PDE8A: variants seen among roughly 807,000 people sequenced by gnomAD.
PDE8A encodes the protein high affinity cAMP-specific and IBMX-insensitive 3',5'-cyclic phosphodiesterase 8A.
In PDE8A, 59 loss-of-function variants were observed where a neutral mutation model predicts 105.0. The observed-to-expected ratio is 0.56, with a 90% confidence interval of 0.46 to 0.70. PDE8A has a LOEUF of 0.70. PDE8A is among the 30% of genes least tolerant of loss of function. PDE8A has a pLI of 0.00. For missense variants in PDE8A, 1,014 were observed against 1,045.9 expected, an observed-to-expected ratio of 0.97 and a Z score of 0.42; for synonymous variants, 355 against 371.9, an observed-to-expected ratio of 0.95 and a Z score of 0.52.
chr15:85,131,149 A>G (rs2082325067), intron 20 of PDE8A, among the ~76,000 whole-genome samples: 2 of 152,140 alleles, frequency 1.3e-5, no homozygotes, highest in Admixed American at 6.6e-5. Context: ...ATCTTTTTCC[A>G]TCCTTTCATT....
intron 1 of PDE8A, among the ~76,000 whole-genome samples, chr15:85,015,351 T>C (rs1240198429): frequency 6.6e-6 from 1 of 151,894 alleles, no homozygotes; most frequent in African/African-American, 2.4e-5. Flanking sequence ...CTCAGCCTCC[T>C]GAGTAGCTGG....
At chr15:85,125,473 A>G (rs1468790581) in intron 19 of PDE8A, among the ~76,000 whole-genome samples, 1 of 152,226 alleles carries the variant, frequency 6.6e-6, no homozygotes, top group African/African-American at 2.4e-5. Flanking sequence ...TGCAGACAGC[A>G]TGTGGTACTG....
chr15:85,129,941 TA>T (rs1345673560), intron 20 of PDE8A, among the ~76,000 whole-genome samples: 8 of 152,208 alleles, frequency 5.3e-5, no homozygotes, highest in African/African-American at 1.7e-4. Flanking sequence ...CTTGGTTGTT[TA>T]AGCGTATATT....
chr15:85,133,658 C>T (rs2082361165), intron 20 of PDE8A, among the ~76,000 whole-genome samples: 1 of 152,134 alleles, frequency 6.6e-6, no homozygotes, highest in Non-Finnish European at 1.5e-5. Context: ...CTTGGAGCTT[C>T]CTAGTCCCCC....
At chr15:85,027,172 A>T (rs1211216110) in intron 1 of PDE8A, among the ~76,000 whole-genome samples, 1 of 152,184 alleles carries the variant, frequency 6.6e-6, no homozygotes, top group African/African-American at 2.4e-5. Flanking sequence ...TGTGGACCAG[A>T]CTTGGAGAGT....
intron 1 of PDE8A, among the ~76,000 whole-genome samples, chr15:84,997,581 G>T (rs557669039): frequency 3.3e-4 from 50 of 151,870 alleles, no homozygotes; most frequent in Non-Finnish European, 5.4e-4. Flanking sequence ...TACTAATGCT[G>T]CCATGTACAT....
chr15:85,044,090 C>G (rs1791240207), intron 1 of PDE8A, among the ~76,000 whole-genome samples: 1 of 152,176 alleles, frequency 6.6e-6, no homozygotes, highest in South Asian at 2.1e-4. Context: ...AATTTCATAG[C>G]AAAAGCTTCT....
chr15:85,099,466 G>C (rs770491373), intron 9 of PDE8A, among the ~76,000 whole-genome samples: 18 of 152,156 alleles, frequency 1.2e-4, no homozygotes, highest in Non-Finnish European at 2.1e-4. Context: ...AAGTATATAG[G>C]GATTTGATTA....
At chr15:85,079,948 T>G (rs2081439228) in intron 5 of PDE8A, among the ~76,000 whole-genome samples, 1 of 151,914 alleles carries the variant, frequency 6.6e-6, no homozygotes, top group African/African-American at 2.4e-5. Flanking sequence ...CAAATGTATA[T>G]GAATGGGCTG....
intron 1 of PDE8A, among the ~76,000 whole-genome samples, chr15:84,996,186 T>A (rs1017745940): frequency 1.2e-4 from 17 of 136,010 alleles, no homozygotes; most frequent in African/African-American, 1.9e-4. Context: ...AAATTTTTTT[T>A]AATTTAATTA....
chr15:85,024,643 G>T (rs545519733), intron 1 of PDE8A, among the ~76,000 whole-genome samples: 1 of 152,108 alleles, frequency 6.6e-6, no homozygotes, highest in Non-Finnish European at 1.5e-5. Flanking sequence ...AGCAGAGGGG[G>T]TCAAAAGAAA....
chr15:85,125,023 A>G (rs938480297), intron 19 of PDE8A, among the ~76,000 whole-genome samples: 1 of 152,224 alleles, frequency 6.6e-6, no homozygotes, highest in African/African-American at 2.4e-5. Flanking sequence ...CCAGGCTGGC[A>G]GTATGAAACT....
intron 1 of PDE8A, among the ~76,000 whole-genome samples, chr15:85,030,992 A>G (rs1385389147): frequency 6.6e-6 from 1 of 152,232 alleles, no homozygotes; most frequent in African/African-American, 2.4e-5. Flanking sequence ...TTTCTATAAC[A>G]TCAGTACTCA....
chr15:85,127,891 C>T (rs1272971372), intron 20 of PDE8A, among the ~76,000 whole-genome samples: 1 of 151,790 alleles, frequency 6.6e-6, no homozygotes, highest in Non-Finnish European at 1.5e-5. Flanking sequence ...TGTTTGGCTT[C>T]AAAACTTAAA....
At chr15:85,073,998 G>A (rs934769146) in intron 3 of PDE8A, among the ~76,000 whole-genome samples, 1 of 152,238 alleles carries the variant, frequency 6.6e-6, no homozygotes. Flanking sequence ...GCACCCTTAG[G>A]TTGGCTCCCT....
chr15:84,993,181 T>A (rs12909357), intron 1 of PDE8A, among the ~76,000 whole-genome samples: 2 of 152,158 alleles, frequency 1.3e-5, no homozygotes. Flanking sequence ...TGGTGGCTCA[T>A]GCCTGTAATC....
intron 1 of PDE8A, among the ~76,000 whole-genome samples, chr15:85,034,675 G>A (rs1442176078): frequency 6.6e-6 from 1 of 152,206 alleles, no homozygotes; most frequent in Non-Finnish European, 1.5e-5. Flanking sequence ...AAATAGGTTA[G>A]CAAAAGAATG....
intron 7 of PDE8A, chr15:85,090,829 G>A (rs1397955095): frequency 5.0e-6 from 3 of 601,112 alleles, no homozygotes; most frequent in Non-Finnish European, 9.3e-6. Context: ...ATAGCAGAAA[G>A]CCCAGCCGGG....
chr15:85,079,412 C>A (rs1005659207), intron 5 of PDE8A, among the ~76,000 whole-genome samples: 9 of 152,084 alleles, frequency 5.9e-5, no homozygotes, highest in Admixed American at 4.6e-4. Flanking sequence ...TAATTGGTAT[C>A]TTGTTTTCAA....
Sources: gnomAD v4.1 joint callset for allele counts (sites outside exome capture counted in the v4.1 genomes callset) on GRCh38, gnomAD v4.1.1 for gene constraint, MANE v1.5 for transcripts, NCBI Gene and HGNC (gene_info 2026-07-23, HGNC 2026-07-21) for gene names.